Variants in AOPEP observed in about 807,000 individuals in gnomAD.
AOPEP encodes the protein aminopeptidase O.
Under a neutral mutation model 98.1 loss-of-function variants are expected in AOPEP, and 77 were observed. That is an observed-to-expected ratio of 0.78 (90% CI 0.65 to 0.95). AOPEP has a LOEUF of 0.95. Among genes scored for constraint, AOPEP ranks in the 40% least tolerant of loss-of-function variants. The probability of loss-of-function intolerance (pLI) is 0.00; values close to 1 mark genes in which losing one functional copy is unlikely to be tolerated. For synonymous variants in AOPEP, 346 were observed against 365.3 expected (o/e 0.95, Z 0.60); for missense variants, 1,024 against 1,024.7 (o/e 1.00, Z 0.01).
At chr9:94,783,086 T>A (rs1466230530) in intron 3 of AOPEP, among the ~76,000 whole-genome samples, 1 of 152,234 alleles carries the variant, frequency 6.6e-6, no homozygotes, top group Non-Finnish European at 1.5e-5. Flanking sequence ...AGTTAGCTGA[T>A]CCAGCTTAAG....
At chr9:94,943,219 A>G (rs2057213843) in intron 7 of AOPEP, among the ~76,000 whole-genome samples, 1 of 152,230 alleles carries the variant, frequency 6.6e-6, no homozygotes, top group Non-Finnish European at 1.5e-5. Flanking sequence ...TGCAAATCAT[A>G]TATCTGTTAA....
intron 5 of AOPEP, among the ~76,000 whole-genome samples, chr9:94,920,733 T>C (rs2136722550): frequency 6.6e-6 from 1 of 152,352 alleles, no homozygotes; most frequent in Non-Finnish European, 1.5e-5. Flanking sequence ...CGCAGTCTTC[T>C]AATCTGGGTG....
At chr9:95,107,387 A>AGAGGGAGC in the AOPEP span, 2 of 1,100,310 alleles carry the variant, frequency 1.8e-6, no homozygotes, top group Non-Finnish European at 2.7e-6. Flanking sequence ...GGCCCCTGAG[A>AGAGGGAGC]GAGGGAGCTA....
intron 11 of AOPEP, among the ~76,000 whole-genome samples, chr9:95,002,177 G>T (rs1474899445): frequency 6.6e-6 from 1 of 152,106 alleles, no homozygotes; most frequent in East Asian, 1.9e-4. Context: ...GCATTTTAGT[G>T]GTGAAACAAA....
In AOPEP at chr9:94,948,599, A is replaced by C. The variant is rs987886585; in HGVS notation, c.1662-6578A>C. Among the ~76,000 whole-genome samples the C allele has an allele frequency of 8.6e-5, 13 of 152,040 alleles. 1 individual carries two copies. The highest frequency in any genetic ancestry group is 8.5e-4 in the Admixed American group (13 of 15,264). On this transcript the variant is annotated intron_variant, in intron 7 of 16. Coordinates refer to ENST00000375315, the MANE Select transcript of AOPEP (RefSeq NM_001193329.3). Reference sequence around the variant, plus strand: ...TTGATCCTCCCCGCAGAGATCTGTGATCACATATCACAGGTGGAAGCTTTC... The same window carrying C: ...TTGATCCTCCCCGCAGAGATCTGTGCTCACATATCACAGGTGGAAGCTTTC...
chr9:95,008,619 C>T (rs1041429054), intron 13 of AOPEP, among the ~76,000 whole-genome samples: 5 of 152,110 alleles, frequency 3.3e-5, no homozygotes, highest in African/African-American at 7.2e-5. Context: ...GTTAAAATAA[C>T]GAATAGTGAA....
chr9:95,130,689 T>C, the AOPEP span, among the ~76,000 whole-genome samples: 2 of 152,348 alleles, frequency 1.3e-5, no homozygotes, highest in South Asian at 4.1e-4. Context: ...CGTCCCACCG[T>C]GTAGCTGTTT....
At chr9:94,771,763 G>A (rs1250724553) in intron 2 of AOPEP, among the ~76,000 whole-genome samples, 1 of 152,058 alleles carries the variant, frequency 6.6e-6, no homozygotes, top group East Asian at 1.9e-4. Flanking sequence ...TGTGACTCTG[G>A]CTTCTGCCAG....
At chr9:95,007,876 G>A (rs1253645724) in intron 13 of AOPEP, among the ~76,000 whole-genome samples, 1 of 152,214 alleles carries the variant, frequency 6.6e-6, no homozygotes, top group Admixed American at 6.5e-5. Context: ...AGGTCTATGT[G>A]TTAACCTTTT....
At chr9:95,141,997 T>TTG in the AOPEP span, among the ~76,000 whole-genome samples, 2 of 142,050 alleles carry the variant, frequency 1.4e-5, no homozygotes, top group African/African-American at 5.2e-5. Context: ...TTTTTTTTTT[T>TTG]TTTTTTTTTT....
At chr9:94,898,134 C>T (rs2049840662) in intron 5 of AOPEP, among the ~76,000 whole-genome samples, 3 of 152,034 alleles carry the variant, frequency 2.0e-5, no homozygotes, top group African/African-American at 7.2e-5. Context: ...GCCACTGTGC[C>T]CAGCCTAAAA....
At chr9:95,030,914 C>T (rs1181785827) in intron 13 of AOPEP, among the ~76,000 whole-genome samples, 1 of 152,238 alleles carries the variant, frequency 6.6e-6, no homozygotes, top group East Asian at 1.9e-4. Flanking sequence ...CAGCTGTCTC[C>T]TGCTTTCTGG....
In AOPEP at chr9:95,005,567, G is replaced by A. The variant is rs1332086942; in HGVS notation, c.2066G>A (p.Arg689Gln). The part of the protein sequence containing the change: ...AEVTKWIGVN[R>Q]RPRKRKRREK... ...GTCACGAAATGGATTGGAGTGAACC[G>A]GAGACCCCGAAAACGGAAGCGCAGG... The change falls in exon 13 of 17, where the codon CGG becomes CAG. Residue 689 changes from arginine to glutamine, a missense_variant. Arg to Gln is a conservative substitution (Grantham distance 43, BLOSUM62 1). Around this residue, in one of 3 missense-constraint regions of AOPEP, gnomAD observed 566 missense variants for 551.7 expected, o/e 1.03. Coordinates refer to ENST00000375315, the MANE Select transcript of AOPEP (RefSeq NM_001193329.3). 3 of 1,614,050 alleles carry A rather than the reference G, an allele frequency of 1.9e-6. No homozygotes were observed. In the East Asian group the frequency reaches 6.7e-5, roughly 36 times the overall value.
At chr9:94,953,882 C>A (rs904090398) in intron 7 of AOPEP, among the ~76,000 whole-genome samples, 8 of 152,170 alleles carry the variant, frequency 5.3e-5, no homozygotes, top group African/African-American at 1.9e-4. Context: ...TACTGTAACA[C>A]TGCACAAATC....
intron 7 of AOPEP, among the ~76,000 whole-genome samples, chr9:94,952,256 C>A (rs557097750): frequency 6.6e-6 from 1 of 152,298 alleles, no homozygotes; most frequent in South Asian, 2.1e-4. Flanking sequence ...GTTTCATGTA[C>A]GTGCATCGCT....
At chr9:94,985,589 T>G (rs1169914982) in intron 11 of AOPEP, among the ~76,000 whole-genome samples, 1 of 152,196 alleles carries the variant, frequency 6.6e-6, no homozygotes, top group Non-Finnish European at 1.5e-5. Flanking sequence ...CATTTAATGG[T>G]CAGTCAAGAA....
intron 13 of AOPEP, 113 bp from the exon 14 acceptor site, chr9:95,060,581 T>C: frequency 1.3e-6 from 1 of 742,418 alleles, no homozygotes; most frequent in Admixed American, 1.9e-5. Context: ...GTTGCCAATA[T>C]ATGCTGAAAG....
chr9:95,137,991 G>T, the AOPEP span, among the ~76,000 whole-genome samples: 1 of 152,270 alleles, frequency 6.6e-6, no homozygotes, highest in Non-Finnish European at 1.5e-5. Flanking sequence ...GCGGCCCAGA[G>T]GTGGGGCCTA....
At chr9:95,111,059 G>A in the AOPEP span, 2 of 1,481,102 alleles carry the variant, frequency 1.4e-6, no homozygotes, top group East Asian at 2.5e-5. Flanking sequence ...CCCTGGCCGG[G>A]CTGCTGGGGA....
Sources: allele counts gnomAD v4.1 joint callset (sites outside exome capture counted in the v4.1 genomes callset), GRCh38; gene constraint gnomAD v4.1.1; regional missense constraint gnomAD v4.1.1; transcripts MANE v1.5; gene names NCBI Gene and HGNC (gene_info 2026-07-23, HGNC 2026-07-21).